Variants in SYNE1 observed in about 807,000 individuals in gnomAD.
SYNE1 encodes the protein nesprin-1.
In SYNE1, 616 loss-of-function variants were observed where a neutral mutation model predicts 1,111.0. The observed-to-expected ratio is 0.55, with a 90% confidence interval of 0.52 to 0.59. The LOEUF is 0.59. SYNE1 is among the 20% of genes least tolerant of loss of function. The pLI is 0.00. For synonymous variants in SYNE1, 3,855 were observed against 3,825.8 expected (o/e 1.01, Z -0.28); for missense variants, 10,006 against 10,417.0 (o/e 0.96, Z 1.72).
chr6:152,213,769 C>A lies in SYNE1; in HGVS notation c.22347-10G>T, dbSNP rs1213900005. On this transcript the variant is annotated splice_polypyrimidine_tract_variant and intron_variant, in intron 122 of 145. Coordinates refer to ENST00000367255, the MANE Select transcript of SYNE1 (RefSeq NM_182961.4). ...AAATGACTGCAACTTGCTGAAAGAA[C>A]AAAGGGCAAGGAACAATGGTTATTT... 12 of 1,614,006 alleles carry A rather than the reference C, an allele frequency of 7.4e-6. No individual in the cohort carries two copies. Among genetic ancestry groups the A allele is most frequent in the Non-Finnish European group, 1.0e-5 (12 of 1,179,948 alleles).
At chr6:152,485,073 A>T (rs941275111) in intron 12 of SYNE1, 101 bp from the exon 13 acceptor site, 2 of 1,278,342 alleles carry the variant, frequency 1.6e-6, no homozygotes, top group African/African-American at 1.5e-5. Flanking sequence ...TTTGGATAAC[A>T]CTCAATATAT....
At chr6:152,213,395 T>C (rs2077915419) in intron 123 of SYNE1, among the ~76,000 whole-genome samples, 1 of 152,192 alleles carries the variant, frequency 6.6e-6, no homozygotes, top group African/African-American at 2.4e-5. Flanking sequence ...AACTGAAGAT[T>C]GACACGTGCT....
chr6:152,447,638 A>G lies in SYNE1; in HGVS notation c.3505-16T>C. The G allele has an allele frequency of 6.2e-7, 1 of 1,614,128 alleles. No homozygotes were observed. Among genetic ancestry groups the G allele is most frequent in the Non-Finnish European group, 8.5e-7 (1 of 1,179,988 alleles). Reference sequence around the variant, plus strand: ...TTCTGATCTCCTGAAATGAGAGAACACTTTTGATGAACACAGTGCAATTGT... The same window carrying G: ...TTCTGATCTCCTGAAATGAGAGAACGCTTTTGATGAACACAGTGCAATTGT... On this transcript the variant is annotated splice_polypyrimidine_tract_variant and intron_variant, in intron 28 of 145. Coordinates refer to ENST00000367255, the MANE Select transcript of SYNE1 (RefSeq NM_182961.4).
intron 117 of SYNE1, 105 bp from the exon 118 acceptor site, chr6:152,221,664 G>A (rs2080210818): frequency 7.1e-7 from 1 of 1,417,208 alleles, no homozygotes; most frequent in East Asian, 2.3e-5. Flanking sequence ...ACATATACTT[G>A]TATAAACCAG....
Position 152,330,810 on chromosome 6 carries a change from A to C in SYNE1, c.13875T>G (p.Thr4625=). 1 of 1,613,966 alleles carries C rather than the reference A, an allele frequency of 6.2e-7. No homozygotes were observed. Among genetic ancestry groups the C allele is most frequent in the South Asian group, 1.1e-5 (1 of 91,086 alleles). Reference sequence around the variant, plus strand: ...TCAGCGATGGTAATATGGTCTGCCCAGTTCTCTGCAGCGTAAGTAGAAGAT... The same window carrying C: ...TCAGCGATGGTAATATGGTCTGCCCCGTTCTCTGCAGCGTAAGTAGAAGAT... ...YENLLLTLQR[T]GQTILPSLNE... The change falls in exon 78 of 146, where the codon ACT becomes ACG. Residue 4625 remains threonine, a synonymous_variant. Coordinates refer to ENST00000367255, the MANE Select transcript of SYNE1 (RefSeq NM_182961.4).
At position 152,399,824 on chromosome 6, in the gene SYNE1, C is replaced by T. The variant is rs2097785335; in HGVS notation, c.7030-1G>A. 6 of 1,613,520 alleles carry T rather than the reference C, an allele frequency of 3.7e-6. No individual in the cohort carries two copies. Among genetic ancestry groups the T allele is most frequent in the Non-Finnish European group, 5.1e-6 (6 of 1,179,630 alleles). ...GACTTTGAAGTTCTTTTTGTATATC[C>T]TACAGAATAAAAGTATATTATGAAG... On this transcript the variant is annotated splice_acceptor_variant, in intron 47 of 145. Coordinates refer to ENST00000367255, the MANE Select transcript of SYNE1 (RefSeq NM_182961.4). LOFTEE classifies it high-confidence loss of function.
intron 95 of SYNE1, among the ~76,000 whole-genome samples, chr6:152,287,528 C>T (rs920207713): frequency 2.6e-5 from 4 of 152,100 alleles, no homozygotes; most frequent in African/African-American, 9.7e-5. Context: ...TTTTCCCACA[C>T]ATTTGCAGCA....
At chr6:152,143,882 T>C (rs1016942576) in intron 137 of SYNE1, 117 bp from the exon 138 acceptor site, 1 of 1,476,672 alleles carries the variant, frequency 6.8e-7, no homozygotes, top group African/African-American at 1.4e-5. Flanking sequence ...AAATGGCAGG[T>C]GTGGGTAATT....
chr6:152,534,526 T>C (rs1032599280), intron 4 of SYNE1, among the ~76,000 whole-genome samples: 2 of 152,210 alleles, frequency 1.3e-5, no homozygotes, highest in East Asian at 3.8e-4. Flanking sequence ...AGATGATATC[T>C]TGGTATGTGC....
intron 123 of SYNE1, 55 bp from the exon 124 acceptor site, chr6:152,211,643 G>C: frequency 6.8e-7 from 1 of 1,461,088 alleles, no homozygotes; most frequent in Non-Finnish European, 9.5e-7. Context: ...TTAGTGATCG[G>C]TTCTCTGATA....
At chr6:152,478,903 G>A (rs1214548868) in intron 14 of SYNE1, among the ~76,000 whole-genome samples, 1 of 152,148 alleles carries the variant, frequency 6.6e-6, no homozygotes, top group African/African-American at 2.4e-5. Flanking sequence ...TTTTTACCAG[G>A]ACACTAAAAC....
chr6:152,378,785 A>C (rs912119496), intron 56 of SYNE1, among the ~76,000 whole-genome samples: 14 of 152,152 alleles, frequency 9.2e-5, no homozygotes, highest in African/African-American at 3.4e-4. Context: ...CTGAGGATAC[A>C]CAGGACCTTG....
intron 126 of SYNE1, among the ~76,000 whole-genome samples, chr6:152,204,755 AAT>A (rs2076173262): frequency 6.6e-6 from 1 of 152,342 alleles, no homozygotes; most frequent in South Asian, 2.1e-4. Flanking sequence ...GAAATAACTT[AAT>A]GTCATGAGCC....
At position 152,164,412 on chromosome 6, in the gene SYNE1, A is replaced by T. The variant is rs998158978; in HGVS notation, c.23628-87T>A. On this transcript the variant is annotated intron_variant, in intron 130 of 145. Transcript: ENST00000367255. ...GTGCAGAGGAGAACACTGGGCTTTA[A>T]CAATCTTTTTAGGCAGAGTTAGAAA... 9.2e-6 allele frequency: 14 copies of T among 1,515,812 alleles called. No homozygotes were observed. The Admixed American group carries it at 2.3e-4, about 24-fold the overall frequency. 93.9% of individuals were successfully genotyped at this position (1,515,812 alleles called of 1,614,324 possible). A position where few individuals can be genotyped will look rare whatever the true frequency, so the allele number is the denominator to read the frequency against.
chr6:152,125,708 T>C (rs2053165208), intron 145 of SYNE1: 1 of 179,540 alleles, frequency 5.6e-6, no homozygotes, highest in Admixed American at 5.8e-5. Flanking sequence ...TTAGGAGACA[T>C]TTAAGAACTT....
At chr6:152,596,689 G>A (rs1467143907) in intron 3 of SYNE1, among the ~76,000 whole-genome samples, 1 of 152,172 alleles carries the variant, frequency 6.6e-6, no homozygotes, top group Non-Finnish European at 1.5e-5. Context: ...GAAAGGAAAA[G>A]GTATGGGAAG....
chr6:152,424,980 A>C (rs1327575504), intron 39 of SYNE1, among the ~76,000 whole-genome samples: 1 of 152,222 alleles, frequency 6.6e-6, no homozygotes, highest in Non-Finnish European at 1.5e-5. Context: ...TGCTCTCTCC[A>C]GAAGATCTAT....
intron 58 of SYNE1, among the ~76,000 whole-genome samples, chr6:152,375,220 G>A (rs2097259387): frequency 6.6e-6 from 1 of 152,174 alleles, no homozygotes; most frequent in Non-Finnish European, 1.5e-5. Flanking sequence ...TGGGATTATA[G>A]GTGTGAGCCG....
intron 124 of SYNE1, among the ~76,000 whole-genome samples, chr6:152,209,924 A>G (rs1472982239): frequency 6.6e-6 from 1 of 152,114 alleles, no homozygotes; most frequent in Non-Finnish European, 1.5e-5. Flanking sequence ...GAAAATGTAC[A>G]ACTCCAGGAC....
Sources: gnomAD v4.1 joint callset for allele counts (sites outside exome capture counted in the v4.1 genomes callset) on GRCh38, gnomAD v4.1.1 for gene constraint, MANE v1.5 for transcripts, NCBI Gene and HGNC (gene_info 2026-07-23, HGNC 2026-07-21) for gene names.